Variants in TNS3 observed in about 807,000 individuals in gnomAD.
TNS3 encodes tensin-3.
TNS3 carries 45 observed loss-of-function variants against 140.9 expected under a neutral mutation model. The ratio of observed to expected loss-of-function variants is 0.32; its 90% CI spans 0.25 to 0.41. The LOEUF is 0.41. Ranked by LOEUF, TNS3 falls within the 10% of genes least tolerant of loss-of-function variation. TNS3 has a pLI of 1.00. For missense variants in TNS3, 1,716 were observed against 1,906.7 expected, an observed-to-expected ratio of 0.90 and a Z score of 1.86; for synonymous variants, 815 against 788.4, an observed-to-expected ratio of 1.03 and a Z score of -0.56.
rs1562675248 is a variant in TNS3, at chr7:47,389,079, A to AGG, written c.1024+7720_1024+7721insCC. Among the ~76,000 whole-genome samples the AGG allele has an allele frequency of 1.4e-4, 9 of 62,128 alleles. 1 individual carries two copies. Among genetic ancestry groups the AGG allele is most frequent in the South Asian group, 8.9e-4 (1 of 1,128 alleles). The allele number at this position is 62,128 out of a possible 152,430, so 40.8% of individuals were successfully genotyped here. On this transcript the variant is annotated intron_variant, in intron 16 of 30. Coordinates refer to ENST00000311160, the MANE Select transcript of TNS3 (RefSeq NM_022748.12). The stretch of plus-strand genomic sequence containing the variant: ...GAAGAAGAAGAAGAAGAAGAAGAAG[A>AGG]AGAAGAGGAAGAGGAAGAGGAAGCG...
chr7:47,568,752 T>C (rs1297152943), intron 1 of TNS3, among the ~76,000 whole-genome samples: 3 of 152,218 alleles, frequency 2.0e-5, no homozygotes, highest in African/African-American at 7.2e-5. Flanking sequence ...CCCCGGCAGA[T>C]GTGGGGGAGT....
intron 16 of TNS3, 50 bp from the exon 17 acceptor site, chr7:47,369,671 G>A: frequency 6.6e-7 from 1 of 1,509,298 alleles, no homozygotes; most frequent in Non-Finnish European, 8.8e-7. Flanking sequence ...ATGAAAGTGA[G>A]CCTCACACCC....
intron 27 of TNS3, among the ~76,000 whole-genome samples, chr7:47,284,239 A>G (rs1785295770): frequency 6.6e-6 from 1 of 152,160 alleles, no homozygotes; most frequent in Non-Finnish European, 1.5e-5. Context: ...GTGGGTATGG[A>G]CAACAGTCAC....
intron 1 of TNS3, among the ~76,000 whole-genome samples, chr7:47,550,664 G>A (rs542258158): frequency 6.6e-6 from 1 of 152,308 alleles, no homozygotes; most frequent in African/African-American, 2.4e-5. Context: ...CAATGACCAT[G>A]CCTGGAAAGA....
At chr7:47,444,350 C>T (rs1379648454) in intron 4 of TNS3, among the ~76,000 whole-genome samples, 1 of 152,224 alleles carries the variant, frequency 6.6e-6, no homozygotes, top group Non-Finnish European at 1.5e-5. Context: ...AGTGGGCTGT[C>T]GCTTCAGACC....
rs1785271334 is a variant in TNS3 at position 47,283,843 on chromosome 7, G to A, written c.3951C>T (p.Asn1317=). 2 of 1,604,470 alleles carry A rather than the reference G, an allele frequency of 1.2e-6. No homozygotes were observed. The highest frequency in any genetic ancestry group is 8.5e-7 in the Non-Finnish European group (1 of 1,176,542). ...CGGTGAGGGACTCCATCTCCACAGA[G>A]TTCAAGTACCACACATTGCAGGCTG... ...QGAACNVWYL[N]SVEMESLTGH... The change falls in exon 28 of 31, where the codon AAC becomes AAT. Residue 1317 remains asparagine (N), a synonymous_variant. Transcript: ENST00000311160.
chr7:47,568,352 G>C (rs958504238), intron 1 of TNS3, among the ~76,000 whole-genome samples: 1 of 152,178 alleles, frequency 6.6e-6, no homozygotes, highest in African/African-American at 2.4e-5. Flanking sequence ...GCAGACTCTG[G>C]GTCTGAGAGG....
At chr7:47,496,435 A>C (rs1461458205) in intron 3 of TNS3, among the ~76,000 whole-genome samples, 1 of 152,126 alleles carries the variant, frequency 6.6e-6, no homozygotes, top group African/African-American at 2.4e-5. Context: ...GGAGTGTTTC[A>C]AGCTGATTAA....
intron 17 of TNS3, among the ~76,000 whole-genome samples, chr7:47,360,566 TCA>T (rs999708678): frequency 3.9e-5 from 6 of 152,120 alleles, no homozygotes; most frequent in African/African-American, 7.2e-5. Flanking sequence ...TCCTAGGACC[TCA>T]CTCAGCTCCC....
At chr7:47,577,726 T>C (rs966007728) in intron 1 of TNS3, among the ~76,000 whole-genome samples, 2 of 152,206 alleles carry the variant, frequency 1.3e-5, no homozygotes, top group East Asian at 1.9e-4. Context: ...CCAAGCCACC[T>C]TGGGTACTTG....
intron 27 of TNS3, among the ~76,000 whole-genome samples, chr7:47,291,405 G>A (rs921413601): frequency 6.6e-6 from 1 of 152,196 alleles, no homozygotes; most frequent in Non-Finnish European, 1.5e-5. Flanking sequence ...GCTGGGGGAT[G>A]TTGACAGCGG....
chr7:47,465,609 C>T (rs1366990238), intron 4 of TNS3, among the ~76,000 whole-genome samples: 1 of 152,140 alleles, frequency 6.6e-6, no homozygotes. Context: ...ATCACTTCAT[C>T]CATAAATATC....
intron 10 of TNS3, among the ~76,000 whole-genome samples, chr7:47,416,445 A>G (rs781463408): frequency 8.5e-5 from 13 of 152,274 alleles, no homozygotes; most frequent in Non-Finnish European, 1.9e-4. Flanking sequence ...AGCCCTACTT[A>G]TAGTCCACCC....
At chr7:47,569,875 G>A (rs1444850661) in intron 1 of TNS3, among the ~76,000 whole-genome samples, 3 of 151,694 alleles carry the variant, frequency 2.0e-5, no homozygotes, top group African/African-American at 2.4e-5. Flanking sequence ...TAGGTCGGGC[G>A]TGGTGGCTCA....
chr7:47,404,298 A>G (rs1033237190), intron 13 of TNS3, among the ~76,000 whole-genome samples: 16 of 152,226 alleles, frequency 1.1e-4, no homozygotes, highest in African/African-American at 3.9e-4. Flanking sequence ...TAGACTTTAA[A>G]TTCTCTGACT....
Position 47,303,312 on chromosome 7 carries a change from G to C in TNS3, c.3095C>G (p.Pro1032Arg). The C allele has an allele frequency of 6.2e-7, 1 of 1,613,294 alleles. No individual in the cohort carries two copies. The stretch of plus-strand genomic sequence containing the variant: ...CAAGGCCCCCAGGTCCTCCTCGGGC[G>C]GAAGGCCACTTCCCACTGGGGCGGT... ...FGTAPVGSGL[P>R]PEEDLGALLA... Residue 1032 changes from proline to arginine, a missense_variant, in exon 22 of 31, where the codon CCG becomes CGG. Pro to Arg is a moderately radical substitution (Grantham distance 103). This residue lies in a region of TNS3 where 1,163 missense variants were observed against 1,182.1 expected (regional missense o/e 0.98). Transcript: ENST00000311160.
At chr7:47,362,374 T>C (rs898774869) in intron 17 of TNS3, among the ~76,000 whole-genome samples, 2 of 152,180 alleles carry the variant, frequency 1.3e-5, no homozygotes, top group African/African-American at 4.8e-5. Context: ...AGGGCTACTC[T>C]ACACTGTCCA....
At chr7:47,582,179 G>A (rs1784553331), upstream of TNS3, 1 of 149,442 alleles carries the variant, frequency 6.7e-6, no homozygotes, top group African/African-American at 2.5e-5. Context: ...TCGAGGCGGC[G>A]CGGGCAATCG....
intron 20 of TNS3, among the ~76,000 whole-genome samples, chr7:47,321,477 G>A (rs561029156): frequency 6.6e-6 from 1 of 152,324 alleles, no homozygotes; most frequent in Non-Finnish European, 1.5e-5. Context: ...TGCCAGCAGG[G>A]TGTGTCGGCA....
Sources: allele counts gnomAD v4.1 joint callset (sites outside exome capture counted in the v4.1 genomes callset), GRCh38; gene constraint gnomAD v4.1.1; regional missense constraint gnomAD v4.1.1; transcripts MANE v1.5; gene names NCBI Gene and HGNC (gene_info 2026-07-23, HGNC 2026-07-21).